Variants in CD164 observed in about 807,000 individuals in gnomAD.
CD164 encodes the protein sialomucin core protein 24.
Under a neutral mutation model 24.6 loss-of-function variants are expected in CD164, and 11 were observed. The observed-to-expected ratio is 0.45, with a 90% CI of 0.28 to 0.74. The LOEUF (loss-of-function observed/expected upper bound fraction) is 0.74, where lower values mean the gene tolerates loss of function less well. CD164 is among the 30% of genes least tolerant of loss of function. The pLI is 0.13. For synonymous variants in CD164, 126 were observed against 100.3 expected, an observed-to-expected ratio of 1.26 and a Z score of -1.53; for missense variants, 295 against 243.7, an observed-to-expected ratio of 1.21 and a Z score of -1.40.
chr6:109,379,379 A>C (rs1415863827), intron 2 of CD164, among the ~76,000 whole-genome samples, 200 bp downstream of exon 2: 3 of 152,228 alleles, frequency 2.0e-5, no homozygotes, highest in Admixed American at 6.5e-5. Context: ...TCAAGTCTTA[A>C]GGAATCTAAA....
At chr6:109,378,680 T>C (rs1054438203) in intron 2 of CD164, among the ~76,000 whole-genome samples, 5 of 152,124 alleles carry the variant, frequency 3.3e-5, no homozygotes, top group African/African-American at 1.2e-4. Context: ...ATTCACCAAC[T>C]CTTACATACT....
Position 109,368,613 on chromosome 6 carries a change from T to C in CD164, c.*238A>G, listed in dbSNP as rs894491003. 1 of 1,349,686 alleles carries C rather than the reference T, an allele frequency of 7.4e-7. No homozygotes were observed. The highest frequency in any genetic ancestry group is 9.5e-7 in the Non-Finnish European group (1 of 1,056,752). The allele number at this position is 1,349,686 out of a possible 1,614,324, so 83.6% of individuals were successfully genotyped here. On this transcript the variant is annotated 3_prime_UTR_variant, in exon 6 of 6. Coordinates refer to ENST00000310786, the MANE Select transcript of CD164 (RefSeq NM_006016.6). Reference sequence around the variant, plus strand: ...AAAAATATAATCCCACAGCAGCAGCTATTTAAAATAAGACAGCCACAGGAT... The same window carrying C: ...AAAAATATAATCCCACAGCAGCAGCCATTTAAAATAAGACAGCCACAGGAT...
chr6:109,375,705 C>A (rs1034858913), intron 4 of CD164, among the ~76,000 whole-genome samples: 1 of 151,238 alleles, frequency 6.6e-6, no homozygotes, highest in Admixed American at 6.6e-5. Flanking sequence ...TATTTAGATA[C>A]ACATAAAAAA....
chr6:109,371,729 T>C lies in CD164; in HGVS notation c.371-1262A>G, dbSNP rs1045204507. 2.0e-5 allele frequency: 3 copies of C among 153,660 alleles called. No homozygotes were observed. The South Asian group carries it at 6.2e-4, about 32-fold the overall frequency. The allele number at this position is 153,660 out of a possible 1,614,324, so 9.5% of individuals were successfully genotyped here. A position where few individuals can be genotyped will look rare whatever the true frequency, so the allele number is the denominator to read the frequency against. On this transcript the variant is annotated intron_variant, in intron 4 of 5. Transcript: ENST00000310786. ...ATTTGAGAAAGGTTTCATTAAGAGG[T>C]TGTCCTAAGGGTAGGGTTCAAATTT...
chr6:109,381,410 T>A, intron 1 of CD164: 1 of 678,756 alleles, frequency 1.5e-6, no homozygotes, highest in Non-Finnish European at 2.7e-6. Context: ...GTTAAGAAAA[T>A]TTTAAAAACA....
At chr6:109,380,457 G>C (rs1358997) in intron 1 of CD164, 46,775 of 152,062 alleles carry the variant, frequency 0.31, 7,384 homozygotes, top group Middle Eastern at 0.42. Flanking sequence ...AAACATTCTC[G>C]TTTGCTTTGC....
chr6:109,373,955 C>A, intron 4 of CD164, among the ~76,000 whole-genome samples: 1 of 152,190 alleles, frequency 6.6e-6, no homozygotes, highest in East Asian at 1.9e-4. Flanking sequence ...CAGCTCCACA[C>A]ACCACTGCGT....
intron 4 of CD164, chr6:109,375,813 A>AT (rs1427925086): frequency 4.6e-5 from 16 of 349,990 alleles, no homozygotes; most frequent in Admixed American, 2.4e-4. Context: ...ATTTCCACTA[A>AT]ATCTATAAAA....
chr6:109,381,362 C>T (rs1771728980), intron 1 of CD164: 2 of 611,774 alleles, frequency 3.3e-6, no homozygotes, highest in Non-Finnish European at 5.8e-6. Context: ...CCCCGTTCCA[C>T]GACCTACTAA....
Position 109,368,740 on chromosome 6 carries a change from T to C in CD164, c.*111A>G. On this transcript the variant is annotated 3_prime_UTR_variant, in exon 6 of 6. Coordinates refer to ENST00000310786, the MANE Select transcript of CD164 (RefSeq NM_006016.6). Reference sequence around the variant, plus strand: ...ACATCCTATATGCATCCATGGAAATTTAAAGATCCTGGAATAGCGTCTTCC... The same window carrying C: ...ACATCCTATATGCATCCATGGAAATCTAAAGATCCTGGAATAGCGTCTTCC... 1.4e-6 allele frequency: 2 copies of C among 1,446,906 alleles called. No homozygotes were observed. Among genetic ancestry groups the C allele is most frequent in the Non-Finnish European group, 1.8e-6 (2 of 1,103,410 alleles). The allele number at this position is 1,446,906 out of a possible 1,614,324, so 89.6% of individuals were successfully genotyped here.
At chr6:109,379,696 A>G (rs1771625006) in intron 1 of CD164, 34 bp from the exon 2 acceptor site, 14 of 1,467,008 alleles carry the variant, frequency 9.5e-6, no homozygotes, top group Non-Finnish European at 1.3e-5. Flanking sequence ...CATGAAATCA[A>G]TGATTTTATT....
intron 4 of CD164, among the ~76,000 whole-genome samples, chr6:109,373,197 T>C (rs1001409901): frequency 1.3e-5 from 2 of 152,232 alleles, no homozygotes; most frequent in Admixed American, 6.5e-5. Context: ...AGAGCTAAAA[T>C]TGTATTACAA....
Position 109,367,915 on chromosome 6 carries a change from G to C in CD164, c.*936C>G. The C allele has an allele frequency of 6.1e-6, 1 of 165,156 alleles. No homozygotes were observed. The highest frequency in any genetic ancestry group is 1.8e-4 in the South Asian group (1 of 5,542). The allele number at this position is 165,156 out of a possible 1,614,324, so 10.2% of individuals were successfully genotyped here. The stretch of plus-strand genomic sequence containing the variant: ...GCATACTTTTTTTTAAAGTACAAAG[G>C]AAAGTGTAATTAAATCAATTTAGCT... On this transcript the variant is annotated 3_prime_UTR_variant, in exon 6 of 6. Transcript: ENST00000310786.
In CD164 at chr6:109,367,304, A is replaced by C. The variant is rs564735517; in HGVS notation, c.*1547T>G. On this transcript the variant is annotated 3_prime_UTR_variant, in exon 6 of 6. Coordinates refer to ENST00000310786, the MANE Select transcript of CD164 (RefSeq NM_006016.6). ...TTCATCTTAACAACCTTTAATAGTT[A>C]TCTAAATGCAGAGTTTGTTTATGAA... 6.5e-6 allele frequency: 1 copy of C among 152,772 alleles called. No homozygotes were observed. Among genetic ancestry groups the C allele is most frequent in the South Asian group, 2.1e-4 (1 of 4,828 alleles). 9.5% of individuals were successfully genotyped at this position (152,772 alleles called of 1,614,324 possible). A position where few individuals can be genotyped will look rare whatever the true frequency, so the allele number is the denominator to read the frequency against.
At chr6:109,379,962 T>G in intron 1 of CD164, 1 of 226,350 alleles carries the variant, frequency 4.4e-6, no homozygotes, top group East Asian at 1.0e-4. Context: ...ACTAAGGATT[T>G]AGGCATTTCA....
chr6:109,371,200 T>C (rs564007644), intron 4 of CD164: 1 of 152,290 alleles, frequency 6.6e-6, no homozygotes, highest in South Asian at 2.1e-4. Context: ...TAAAGAAATG[T>C]ACACTCTGAG....
intron 1 of CD164, among the ~76,000 whole-genome samples, chr6:109,381,295 T>G (rs1011022104): frequency 6.6e-6 from 1 of 152,178 alleles, no homozygotes; most frequent in African/African-American, 2.4e-5. Context: ...CGACTGCACA[T>G]AACAAAAGAC....
chr6:109,380,782 T>C (rs1771692644), intron 1 of CD164, among the ~76,000 whole-genome samples: 1 of 152,204 alleles, frequency 6.6e-6, no homozygotes, highest in Non-Finnish European at 1.5e-5. Context: ...CAAATTAATT[T>C]GATACTTCCA....
In CD164 at chr6:109,382,227, G is replaced by A. The variant is rs754284415; in HGVS notation, c.152C>T (p.Pro51Leu). The A allele has an allele frequency of 4.4e-6, 7 of 1,578,610 alleles. No homozygotes were observed. In the South Asian group the frequency reaches 5.8e-5, roughly 13 times the overall value. Residue 51 changes from proline to leucine, a missense_variant, in exon 1 of 6, where the codon CCG (proline) becomes CTG (leucine). By Grantham distance (98) the Pro-to-Leu change is moderately conservative (BLOSUM62 -3). Transcript: ENST00000310786. ...NVTSAPVTSL[P>L]LVTTPAPETC... ...ACCTGGTGCCGGAGTGGTGACCAGC[G>A]GGAGGGACGTCACCGGCGCCGAGGT...
Sources: gnomAD v4.1 joint callset for allele counts (sites outside exome capture counted in the v4.1 genomes callset) on GRCh38, gnomAD v4.1.1 for gene constraint, MANE v1.5 for transcripts, NCBI Gene and HGNC (gene_info 2026-07-23, HGNC 2026-07-21) for gene names.